Variants in THNSL1 observed in about 807,000 individuals in gnomAD.
The protein encoded by THNSL1 is threonine synthase-like 1.
A neutral mutation model predicts 50.4 loss-of-function variants in THNSL1; 48 were observed. That is an observed-to-expected ratio of 0.95 (90% CI 0.76 to 1.21). THNSL1 has a LOEUF of 1.21. THNSL1 is among the 50% of genes most tolerant of loss of function. The pLI is 0.00. For missense variants in THNSL1, 896 were observed against 871.7 expected (o/e 1.03, Z -0.35); for synonymous variants, 309 against 306.1 (o/e 1.01, Z -0.10).
chr10:24,976,100 G>A, the THNSL1 span, among the ~76,000 whole-genome samples: 7 of 152,132 alleles, frequency 4.6e-5, no homozygotes, highest in Non-Finnish European at 1.0e-4. Context: ...GAGACTGATT[G>A]GAAAAACTCA....
At chr10:25,010,943 C>CAG in the THNSL1 span, among the ~76,000 whole-genome samples, 2 of 151,620 alleles carry the variant, frequency 1.3e-5, no homozygotes, top group African/African-American at 4.8e-5. Flanking sequence ...GATTTATGGT[C>CAG]CTTTGGGTAT....
At chr10:24,997,545 C>A in the THNSL1 span, among the ~76,000 whole-genome samples, 1 of 151,762 alleles carries the variant, frequency 6.6e-6, no homozygotes, top group Non-Finnish European at 1.5e-5. Flanking sequence ...CATCAGCACA[C>A]CTAGCTAATT....
At chr10:24,991,348 G>A in the THNSL1 span, among the ~76,000 whole-genome samples, 4 of 152,012 alleles carry the variant, frequency 2.6e-5, no homozygotes, top group South Asian at 4.2e-4. Flanking sequence ...TCGTGGTCTC[G>A]TTAAAGAAAA....
the THNSL1 span, among the ~76,000 whole-genome samples, chr10:24,986,048 A>G: frequency 6.6e-6 from 1 of 152,232 alleles, no homozygotes; most frequent in Admixed American, 6.5e-5. Context: ...AGCCTGAAAC[A>G]ACAGAGCAGA....
the THNSL1 span, among the ~76,000 whole-genome samples, chr10:24,997,440 G>A: frequency 6.7e-6 from 1 of 149,244 alleles, no homozygotes; most frequent in Non-Finnish European, 1.5e-5. Context: ...AGGCTGGAGT[G>A]CAGTGATGCA....
At chr10:24,983,721 T>C in the THNSL1 span, 1 of 152,196 alleles carries the variant, frequency 6.6e-6, no homozygotes, top group Non-Finnish European at 1.5e-5. Context: ...TCCCATATTT[T>C]GTTTTTTATG....
chr10:24,974,635 T>C, the THNSL1 span, among the ~76,000 whole-genome samples: 1 of 152,224 alleles, frequency 6.6e-6, no homozygotes, highest in Non-Finnish European at 1.5e-5. Flanking sequence ...TTTTTCTCAC[T>C]TTATAAAAAA....
the THNSL1 span, chr10:24,984,601 G>A: frequency 9.4e-7 from 1 of 1,067,424 alleles, no homozygotes; most frequent in South Asian, 1.8e-5. Context: ...TTTGCATATT[G>A]CCTAAGCATT....
At chr10:24,973,141 C>T in the THNSL1 span, among the ~76,000 whole-genome samples, 1 of 152,168 alleles carries the variant, frequency 6.6e-6, no homozygotes, top group Non-Finnish European at 1.5e-5. Context: ...AAGTCCATAA[C>T]TTTCACCATT....
In THNSL1 at chr10:25,024,729, C is replaced by T. The variant is rs927287880; in HGVS notation, c.1506C>T (p.Val502=). Residue 502 remains valine, a synonymous_variant, in exon 3 of 3, where the codon GTC becomes GTT. Transcript: ENST00000376356. ...GATTTATTTCTTTTGGAAGCCCAGTCGATGTCTGTATTCCCACAGGAAACT... is the reference window on the plus strand; with the variant it reads ...GATTTATTTCTTTTGGAAGCCCAGTTGATGTCTGTATTCCCACAGGAAACT... ...SQGFISFGSP[V]DVCIPTGNFG... The T allele has an allele frequency of 1.4e-5, 23 of 1,614,020 alleles. No individual in the cohort carries two copies. Among genetic ancestry groups the T allele is most frequent in the Non-Finnish European group, 1.8e-5 (21 of 1,180,030 alleles).
the THNSL1 span, among the ~76,000 whole-genome samples, chr10:24,959,176 C>CA: frequency 1.3e-4 from 20 of 151,962 alleles, no homozygotes; most frequent in Non-Finnish European, 2.4e-4. Context: ...AAAACAAAAA[C>CA]AAAAAAAGGG....
At chr10:24,962,954 G>A in the THNSL1 span, among the ~76,000 whole-genome samples, 1 of 152,126 alleles carries the variant, frequency 6.6e-6, no homozygotes, top group African/African-American at 2.4e-5. Flanking sequence ...TTAAATTAAG[G>A]CAATTCAAAG....
rs770714996 is a variant in THNSL1 at position 25,024,235 on chromosome 10, T to C, written c.1012T>C (p.Phe338Leu). The part of the protein sequence containing the change: ...APVRHLSGNQ[F>L]ILELFHGPTG... ...TGTCAGGCACCTTTCAGGCAACCAG[T>C]TCATCCTGGAGTTGTTTCATGGACC... Residue 338 changes from phenylalanine (F) to leucine (L), a missense_variant, in exon 3 of 3, where the codon TTC (phenylalanine) becomes CTC (leucine). Coordinates refer to ENST00000376356, the MANE Select transcript of THNSL1 (RefSeq NM_024838.5). The C allele has an allele frequency of 4.3e-6, 7 of 1,614,228 alleles. No homozygotes were observed. The East Asian group carries it at 1.3e-4, about 31-fold the overall frequency.
the THNSL1 span, among the ~76,000 whole-genome samples, chr10:25,003,158 TTTAATTAA>T: frequency 3.0e-4 from 43 of 142,294 alleles, no homozygotes; most frequent in Non-Finnish European, 4.6e-4. Flanking sequence ...TCAGTGTTTC[TTTAATTAA>T]TTAATTAATT....
the THNSL1 span, among the ~76,000 whole-genome samples, chr10:24,967,474 TTC>T: frequency 6.6e-6 from 1 of 152,202 alleles, no homozygotes; most frequent in Non-Finnish European, 1.5e-5. Flanking sequence ...ATTTTAGCTC[TTC>T]TCTTTCTTTC....
chr10:24,957,274 CT>C, the THNSL1 span, among the ~76,000 whole-genome samples: 1 of 152,220 alleles, frequency 6.6e-6, no homozygotes, highest in South Asian at 2.1e-4. Context: ...TTGTTTCTGG[CT>C]TTTCTTGCTT....
At chr10:25,019,690 AAGTC>A (rs1172352272) in intron 1 of THNSL1, among the ~76,000 whole-genome samples, 2 of 152,204 alleles carry the variant, frequency 1.3e-5, no homozygotes, top group Non-Finnish European at 2.9e-5. Context: ...TCTCACTCTA[AAGTC>A]AGTCCTATTA....
In THNSL1 at chr10:25,025,400, A is replaced by G; in HGVS notation, c.2177A>G (p.Asp726Gly). 1.9e-6 allele frequency: 3 copies of G among 1,614,004 alleles called. No homozygotes were observed. Among genetic ancestry groups the G allele is most frequent in the Non-Finnish European group, 2.5e-6 (3 of 1,179,960 alleles). The change falls in exon 3 of 3, where the codon GAT becomes GGT. Residue 726 changes from aspartate (D) to glycine (G), a missense_variant. Asp to Gly is a moderately conservative substitution (Grantham distance 94). Transcript: ENST00000376356. ...EKMEYQVCAADMNVLKSHVEQ... is the reference protein window; with the variant it reads ...EKMEYQVCAAGMNVLKSHVEQ... ...ATGGAGTACCAGGTCTGTGCAGCTG[A>G]TATGAATGTCTTGAAGAGTCATGTG...
At chr10:24,966,708 C>T in the THNSL1 span, among the ~76,000 whole-genome samples, 2 of 152,122 alleles carry the variant, frequency 1.3e-5, no homozygotes, top group Admixed American at 6.5e-5. Context: ...TTATGGGCAT[C>T]CACACTCTCA....
Sources: gnomAD v4.1 joint callset for allele counts (sites outside exome capture counted in the v4.1 genomes callset) on GRCh38, gnomAD v4.1.1 for gene constraint, MANE v1.5 for transcripts, NCBI Gene and HGNC (gene_info 2026-07-23, HGNC 2026-07-21) for gene names.